NRXN1: variants seen among roughly 807,000 people sequenced by gnomAD.
NRXN1 encodes the protein neurexin-1.
In NRXN1, 39 loss-of-function variants were observed where a neutral mutation model predicts 150.9. That is an observed-to-expected ratio of 0.26 (90% confidence interval 0.20 to 0.34). The LOEUF (loss-of-function observed/expected upper bound fraction) is 0.34. Ranked by LOEUF, NRXN1 falls within the 10% of genes least tolerant of loss-of-function variation. The pLI, the probability that NRXN1 is intolerant of heterozygous loss-of-function variation, is 1.00. For synonymous variants in NRXN1, 924 were observed against 757.0 expected (o/e 1.22, Z -3.62); for missense variants, 1,815 against 1,949.9 (o/e 0.93, Z 1.30).
intron 5 of NRXN1, among the ~76,000 whole-genome samples, chr2:50,861,611 C>T (rs992512863): frequency 1.3e-5 from 2 of 152,006 alleles, no homozygotes; most frequent in African/African-American, 4.8e-5. Flanking sequence ...GTCCATGGTC[C>T]TGGTTCCCAC....
At chr2:50,626,285 A>C (rs1559040395) in intron 5 of NRXN1, among the ~76,000 whole-genome samples, 2 of 151,886 alleles carry the variant, frequency 1.3e-5, no homozygotes, top group Non-Finnish European at 2.9e-5. Flanking sequence ...ACAGGTAAAA[A>C]GCTGATTCTT....
chr2:50,123,538 C>A (rs757897511), intron 18 of NRXN1, among the ~76,000 whole-genome samples: 1 of 152,138 alleles, frequency 6.6e-6, no homozygotes, highest in Non-Finnish European at 1.5e-5. Flanking sequence ...AGGTTTTGAA[C>A]AGATAATTGA....
intron 5 of NRXN1, among the ~76,000 whole-genome samples, chr2:50,804,425 G>A (rs1432428117): frequency 1.3e-5 from 2 of 152,110 alleles, no homozygotes. Flanking sequence ...AGTTTTATAG[G>A]TGAGGGATGT....
At chr2:49,962,063 T>TA (rs1407242315) in intron 21 of NRXN1, among the ~76,000 whole-genome samples, 1 of 151,642 alleles carries the variant, frequency 6.6e-6, no homozygotes, top group African/African-American at 2.4e-5. Flanking sequence ...ACCCTAACAC[T>TA]AAAAAAAAGA....
chr2:50,593,367 T>G (rs1211227373), intron 8 of NRXN1, among the ~76,000 whole-genome samples: 2 of 152,324 alleles, frequency 1.3e-5, no homozygotes, highest in Middle Eastern at 3.4e-3. Flanking sequence ...GGAACTAGTA[T>G]GATATACTTA....
intron 5 of NRXN1, among the ~76,000 whole-genome samples, chr2:50,770,240 A>T (rs1435114926): frequency 6.6e-6 from 1 of 152,104 alleles, no homozygotes; most frequent in Non-Finnish European, 1.5e-5. Flanking sequence ...AGTCTATTTT[A>T]CACTTTAGTG....
At chr2:50,164,159 T>A (rs2059536654) in intron 18 of NRXN1, among the ~76,000 whole-genome samples, 1 of 152,222 alleles carries the variant, frequency 6.6e-6, no homozygotes, top group Admixed American at 6.5e-5. Context: ...ACATTTATTG[T>A]AATTACATCT....
intron 5 of NRXN1, among the ~76,000 whole-genome samples, chr2:50,868,623 C>T (rs1037080333): frequency 4.0e-5 from 6 of 151,730 alleles, no homozygotes; most frequent in East Asian, 2.0e-4. Flanking sequence ...TATACATAAG[C>T]ATATTATCAT....
chr2:50,812,719 TAA>T (rs1668389113), intron 5 of NRXN1, among the ~76,000 whole-genome samples: 3 of 127,770 alleles, frequency 2.3e-5, no homozygotes, highest in African/African-American at 9.3e-5. Flanking sequence ...CCATAAATAA[TAA>T]GAGTGTGTGT....
chr2:50,680,916 C>G (rs1043609076), intron 5 of NRXN1, among the ~76,000 whole-genome samples: 4 of 152,092 alleles, frequency 2.6e-5, no homozygotes, highest in Non-Finnish European at 5.9e-5. Context: ...CCTTAAGATG[C>G]AGGAGGTTAG....
At chr2:50,053,732 T>A in intron 20 of NRXN1, 142 bp from the exon 21 acceptor site, 2 of 809,160 alleles carry the variant, frequency 2.5e-6, no homozygotes, top group South Asian at 1.6e-5. Context: ...ATTCATTGCT[T>A]ATAAATGAGG....
At chr2:50,797,694 C>T (rs1428447543) in intron 5 of NRXN1, among the ~76,000 whole-genome samples, 2 of 152,004 alleles carry the variant, frequency 1.3e-5, no homozygotes. Context: ...TGGAAAGGAC[C>T]GAATGATGTA....
intron 18 of NRXN1, among the ~76,000 whole-genome samples, chr2:50,181,035 AT>A (rs1269924520): frequency 5.3e-5 from 8 of 152,208 alleles, no homozygotes; most frequent in South Asian, 2.1e-4. Flanking sequence ...AGGATTTAGT[AT>A]TTATAATTAC....
chr2:50,280,502 G>A (rs932209133), intron 17 of NRXN1, among the ~76,000 whole-genome samples: 1 of 151,992 alleles, frequency 6.6e-6, no homozygotes, highest in Non-Finnish European at 1.5e-5. Context: ...AACAGGCTGG[G>A]GTTGGAATCC....
chr2:50,489,520 A>G (rs1460277583), intron 15 of NRXN1, among the ~76,000 whole-genome samples: 2 of 152,018 alleles, frequency 1.3e-5, no homozygotes, highest in Non-Finnish European at 2.9e-5. Context: ...AGAAATGTGA[A>G]ACTGGGATAG....
At chr2:50,937,340 A>G (rs1364241389) in intron 2 of NRXN1, among the ~76,000 whole-genome samples, 1 of 152,152 alleles carries the variant, frequency 6.6e-6, no homozygotes, top group African/African-American at 2.4e-5. Flanking sequence ...AATTTGCTTA[A>G]TAAATATGTG....
At chr2:50,222,414 A>G (rs569839336) in intron 18 of NRXN1, among the ~76,000 whole-genome samples, 1 of 152,140 alleles carries the variant, frequency 6.6e-6, no homozygotes. Flanking sequence ...TTGCTTTTAT[A>G]TGAAAACACT....
chr2:50,848,636 A>G (rs1407191160), intron 5 of NRXN1, among the ~76,000 whole-genome samples: 1 of 152,078 alleles, frequency 6.6e-6, no homozygotes, highest in Non-Finnish European at 1.5e-5. Context: ...AGAGACTAGG[A>G]CTGGAAAACT....
At chr2:50,522,770 C>T (rs1270684313) in intron 12 of NRXN1, among the ~76,000 whole-genome samples, 1 of 116,172 alleles carries the variant, frequency 8.6e-6, no homozygotes, top group African/African-American at 3.6e-5. Context: ...CTTGCTCTCT[C>T]ACCCAGGCTG....
Sources: gnomAD v4.1 joint callset for allele counts (sites outside exome capture counted in the v4.1 genomes callset) on GRCh38, gnomAD v4.1.1 for gene constraint, MANE v1.5 for transcripts, NCBI Gene and HGNC (gene_info 2026-07-23, HGNC 2026-07-21) for gene names.